Variants in FHOD3 observed in about 807,000 individuals in gnomAD.
The protein encoded by FHOD3 is formin homology 2 domain containing 3.
A neutral mutation model predicts 173.0 loss-of-function variants in FHOD3; 90 were observed. That is an observed-to-expected ratio of 0.52 (90% CI 0.44 to 0.62). The LOEUF (loss-of-function observed/expected upper bound fraction) is 0.62. FHOD3 is among the 20% of genes least tolerant of loss of function. FHOD3 has a pLI of 0.00. For synonymous variants in FHOD3, 828 were observed against 823.0 expected, an observed-to-expected ratio of 1.01 and a Z score of -0.10; for missense variants, 1,945 against 2,034.7, an observed-to-expected ratio of 0.96 and a Z score of 0.85.
chr18:36,424,621 G>A (rs1449262129), intron 3 of FHOD3, among the ~76,000 whole-genome samples: 1 of 152,186 alleles, frequency 6.6e-6, no homozygotes, highest in East Asian at 1.9e-4. Context: ...ACTGGAAATA[G>A]CACTCTAACT....
chr18:36,326,078 C>T (rs1466983922), intron 1 of FHOD3, among the ~76,000 whole-genome samples: 3 of 152,226 alleles, frequency 2.0e-5, no homozygotes, highest in Non-Finnish European at 2.9e-5. Context: ...CAAGCCATGT[C>T]CAGCTTTTGT....
At chr18:36,328,809 G>T (rs1234832603) in intron 1 of FHOD3, among the ~76,000 whole-genome samples, 10 of 152,200 alleles carry the variant, frequency 6.6e-5, no homozygotes, top group Non-Finnish European at 1.5e-4. Context: ...GAAGGACAGA[G>T]CTGCACTTCA....
chr18:36,523,252 A>C (rs527548688), intron 5 of FHOD3, among the ~76,000 whole-genome samples: 1 of 152,320 alleles, frequency 6.6e-6, no homozygotes, highest in African/African-American at 2.4e-5. Flanking sequence ...GAAGAGGTTA[A>C]ATGTCATTGG....
intron 5 of FHOD3, among the ~76,000 whole-genome samples, chr18:36,538,813 GT>G (rs1254826076): frequency 6.6e-6 from 1 of 152,160 alleles, no homozygotes; most frequent in Non-Finnish European, 1.5e-5. Context: ...TAGCATGAGA[GT>G]GTTCTTTGTG....
intron 28 of FHOD3, among the ~76,000 whole-genome samples, chr18:36,771,541 C>G (rs938108624): frequency 2.0e-5 from 3 of 152,172 alleles, no homozygotes; most frequent in Non-Finnish European, 4.4e-5. Context: ...GCTTAAATAG[C>G]TTTTGAAATG....
At chr18:36,323,410 C>G (rs1197531314) in intron 1 of FHOD3, among the ~76,000 whole-genome samples, 1 of 152,230 alleles carries the variant, frequency 6.6e-6, no homozygotes. Flanking sequence ...AAATGCAGCA[C>G]ATTTTCTGGA....
chr18:36,581,414 T>A (rs1371308998), intron 6 of FHOD3, among the ~76,000 whole-genome samples: 8 of 152,182 alleles, frequency 5.3e-5, no homozygotes, highest in African/African-American at 1.9e-4. Context: ...CCTGGCAAAC[T>A]CTCACCTCCT....
chr18:36,616,530 C>T (rs188292878), intron 9 of FHOD3, among the ~76,000 whole-genome samples: 1 of 152,346 alleles, frequency 6.6e-6, no homozygotes, highest in Admixed American at 6.5e-5. Flanking sequence ...TGTTCACCAT[C>T]TTTCTTTTGT....
chr18:36,779,652 C>A lies in FHOD3; in HGVS notation c.*122C>A. Reference sequence around the variant, plus strand: ...TCCAACAGTTTGAAAAGGGAGAGCTCAATTCCCAGCGTCACCCCATGGCTT... The same window carrying A: ...TCCAACAGTTTGAAAAGGGAGAGCTAAATTCCCAGCGTCACCCCATGGCTT... On this transcript the variant is annotated 3_prime_UTR_variant, in exon 29 of 29. Coordinates refer to ENST00000590592, the MANE Select transcript of FHOD3 (RefSeq NM_001281740.3). The A allele has an allele frequency of 1.2e-6, 1 of 824,898 alleles. No homozygotes were observed. Among genetic ancestry groups the A allele is most frequent in the Non-Finnish European group, 2.0e-6 (1 of 505,376 alleles). The allele number at this position is 824,898 out of a possible 1,614,324, so 51.1% of individuals were successfully genotyped here.
At chr18:36,446,006 T>C (rs1483725014) in intron 3 of FHOD3, among the ~76,000 whole-genome samples, 1 of 152,190 alleles carries the variant, frequency 6.6e-6, no homozygotes, top group Non-Finnish European at 1.5e-5. Flanking sequence ...CAGGTCTCCG[T>C]TGATGAATGG....
chr18:36,463,782 C>G (rs1253676603), intron 3 of FHOD3, among the ~76,000 whole-genome samples: 1 of 152,216 alleles, frequency 6.6e-6, no homozygotes, highest in Non-Finnish European at 1.5e-5. Context: ...GCATGAGCCA[C>G]CATACCTGGC....
intron 3 of FHOD3, among the ~76,000 whole-genome samples, chr18:36,496,675 G>A (rs2054760333): frequency 6.6e-6 from 1 of 152,090 alleles, no homozygotes; most frequent in Admixed American, 6.5e-5. Flanking sequence ...TAAATATTTT[G>A]TTACTTTTAT....
chr18:36,723,347 T>A (rs532013262), intron 19 of FHOD3, among the ~76,000 whole-genome samples: 12 of 152,142 alleles, frequency 7.9e-5, no homozygotes, highest in Non-Finnish European at 1.3e-4. Context: ...TAGTTTTTTG[T>A]TTTTGTTTTT....
intron 1 of FHOD3, among the ~76,000 whole-genome samples, chr18:36,349,725 A>G (rs937839177): frequency 1.3e-5 from 2 of 152,226 alleles, no homozygotes; most frequent in Non-Finnish European, 2.9e-5. Context: ...GAGACGTGAC[A>G]TCAGCCTCCT....
intron 5 of FHOD3, among the ~76,000 whole-genome samples, chr18:36,575,079 T>C (rs904163574): frequency 6.6e-6 from 1 of 152,190 alleles, no homozygotes; most frequent in African/African-American, 2.4e-5. Flanking sequence ...CAAGCAATTT[T>C]CCTGCCTCAG....
At chr18:36,329,889 T>G (rs576802077) in intron 1 of FHOD3, among the ~76,000 whole-genome samples, 8 of 152,336 alleles carry the variant, frequency 5.3e-5, no homozygotes, top group South Asian at 2.1e-4. Context: ...GCAAATAGCT[T>G]TCACTTGCAT....
intron 2 of FHOD3, among the ~76,000 whole-genome samples, chr18:36,371,422 A>G (rs2047181556): frequency 6.6e-6 from 1 of 152,246 alleles, no homozygotes. Flanking sequence ...ACATGGTGGC[A>G]GGCAAGAGAG....
intron 27 of FHOD3, among the ~76,000 whole-genome samples, chr18:36,763,198 A>G (rs984793933): frequency 4.0e-5 from 6 of 148,246 alleles, no homozygotes; most frequent in African/African-American, 1.5e-4. Flanking sequence ...TGTGTATTAT[A>G]TACGTTATAT....
chr18:36,560,807 G>A (rs945966577), intron 5 of FHOD3, among the ~76,000 whole-genome samples: 3 of 146,378 alleles, frequency 2.0e-5, no homozygotes, highest in Non-Finnish European at 4.5e-5. Flanking sequence ...AGCTTTGTGT[G>A]TGTGTGTAAA....
Sources: gnomAD v4.1 joint callset for allele counts (sites outside exome capture counted in the v4.1 genomes callset) on GRCh38, gnomAD v4.1.1 for gene constraint, MANE v1.5 for transcripts, NCBI Gene and HGNC (gene_info 2026-07-23, HGNC 2026-07-21) for gene names.